EVC2: variants seen among roughly 807,000 people sequenced by gnomAD.
EVC2 encodes EvC ciliary complex subunit 2, also known as limbin.
Under a neutral mutation model 149.3 loss-of-function variants are expected in EVC2, and 148 were observed. The observed-to-expected ratio is 0.99, with a 90% CI of 0.87 to 1.14. The LOEUF (loss-of-function observed/expected upper bound fraction) is 1.14, where lower values mean the gene tolerates loss of function less well. Among genes scored for constraint, EVC2 ranks in the 50% most tolerant of loss-of-function variants. EVC2 has a pLI of 0.00. For missense variants in EVC2, 1,854 were observed against 1,627.3 expected, an observed-to-expected ratio of 1.14 and a Z score of -2.40; for synonymous variants, 776 against 649.9, an observed-to-expected ratio of 1.19 and a Z score of -2.95.
intron 10 of EVC2, among the ~76,000 whole-genome samples, chr4:5,638,714 T>G (rs1451609005): frequency 3.3e-5 from 5 of 152,144 alleles, no homozygotes; most frequent in African/African-American, 1.2e-4. Flanking sequence ...CCTGGATTAT[T>G]TAGGTGGGAC....
At chr4:5,558,848 A>AT (rs1721888269), downstream of EVC2, among the ~76,000 whole-genome samples, 1 of 152,222 alleles carries the variant, frequency 6.6e-6, no homozygotes, top group Non-Finnish European at 1.5e-5. Flanking sequence ...AACTGACCAC[A>AT]TAAGTAAATG....
intron 2 of EVC2, among the ~76,000 whole-genome samples, chr4:5,697,250 G>A (rs1467768622): frequency 6.6e-6 from 1 of 152,208 alleles, no homozygotes; most frequent in Non-Finnish European, 1.5e-5. Context: ...GAGAATAAAC[G>A]TGTGTGGTCG....
At chr4:5,706,733 C>A in intron 1 of EVC2, among the ~76,000 whole-genome samples, 1 of 152,102 alleles carries the variant, frequency 6.6e-6, no homozygotes. Context: ...CTATGCAAGA[C>A]AGGCCCAGAG....
At chr4:5,645,044 T>C (rs536197009) in intron 9 of EVC2, among the ~76,000 whole-genome samples, 1 of 152,274 alleles carries the variant, frequency 6.6e-6, no homozygotes, top group South Asian at 2.1e-4. Flanking sequence ...ATATACCCAG[T>C]AGTGGAATGG....
At chr4:5,656,102 T>C (rs1280362716) in intron 9 of EVC2, among the ~76,000 whole-genome samples, 1 of 152,172 alleles carries the variant, frequency 6.6e-6, no homozygotes, top group African/African-American at 2.4e-5. Context: ...TCCTCTTGCA[T>C]GACCTAAGAA....
rs1716993348 is a variant in EVC2 at position 5,637,838 on chromosome 4, T to A, written c.1470+2676A>T. ...TTTTTTTTTCAGGGCTTTTTCTTTT[T>A]CAGCTTTGGTTCTGAAATCAGACAG... is the stretch of plus-strand genomic sequence containing the variant. On this transcript the variant is annotated intron_variant, in intron 10 of 21. Coordinates refer to ENST00000344408, the MANE Select transcript of EVC2 (RefSeq NM_147127.5). The surrounding 1 kb of genome is among the most constrained non-coding windows in gnomAD (Gnocchi z 4.4). Among the ~76,000 whole-genome samples the A allele has an allele frequency of 6.6e-6, 1 of 152,026 alleles. No homozygotes were observed.
intron 21 of EVC2, among the ~76,000 whole-genome samples, chr4:5,545,468 T>C (rs1721597127): frequency 6.6e-6 from 1 of 152,170 alleles, no homozygotes; most frequent in African/African-American, 2.4e-5. Flanking sequence ...TAACAGGTAA[T>C]GTTTGCTTCT....
At chr4:5,706,252 C>A (rs529086039) in intron 1 of EVC2, among the ~76,000 whole-genome samples, 1 of 151,056 alleles carries the variant, frequency 6.6e-6, no homozygotes, top group African/African-American at 2.4e-5. Context: ...GGTCTCCCAG[C>A]CCCCTGCACA....
At chr4:5,561,806 A>G (rs2108764046), downstream of EVC2, among the ~76,000 whole-genome samples, 1 of 152,338 alleles carries the variant, frequency 6.6e-6, no homozygotes, top group South Asian at 2.1e-4. Flanking sequence ...ATTAAAAAGT[A>G]GGTTAAAGTT....
chr4:5,656,929 C>G (rs986532914), intron 9 of EVC2, among the ~76,000 whole-genome samples: 3 of 152,208 alleles, frequency 2.0e-5, no homozygotes, highest in Admixed American at 6.5e-5. Flanking sequence ...GTTCCGGTAC[C>G]AGGATGAGGT....
intron 16 of EVC2, among the ~76,000 whole-genome samples, chr4:5,604,411 A>G (rs1237338203): frequency 1.3e-5 from 2 of 152,214 alleles, no homozygotes; most frequent in African/African-American, 4.8e-5. Context: ...TTTGCTTTCA[A>G]TTAAAGTTAC....
chr4:5,593,632 G>C (rs1316529852), intron 16 of EVC2, among the ~76,000 whole-genome samples: 1 of 152,216 alleles, frequency 6.6e-6, no homozygotes, highest in Non-Finnish European at 1.5e-5. Context: ...ACAGCTCCCA[G>C]CGTGAGCGAC....
intron 1 of EVC2, among the ~76,000 whole-genome samples, chr4:5,702,861 T>C (rs976126618): frequency 6.6e-6 from 1 of 152,216 alleles, no homozygotes; most frequent in African/African-American, 2.4e-5. Flanking sequence ...CTCAGTTTCC[T>C]CATCTGTAAA....
intron 5 of EVC2, among the ~76,000 whole-genome samples, chr4:5,687,371 AC>A (rs1720794181): frequency 6.6e-6 from 1 of 152,106 alleles, no homozygotes; most frequent in African/African-American, 2.4e-5. Flanking sequence ...TAACTCCCTT[AC>A]CCTCACAGCG....
chr4:5,566,870 C>A (rs912472619), intron 20 of EVC2, among the ~76,000 whole-genome samples: 8 of 152,188 alleles, frequency 5.3e-5, no homozygotes, highest in African/African-American at 1.9e-4. Flanking sequence ...CGTTCCTACT[C>A]CAGAGTCACC....
the EVC2 span, among the ~76,000 whole-genome samples, chr4:5,536,502 T>A: frequency 6.6e-6 from 1 of 152,106 alleles, no homozygotes; most frequent in African/African-American, 2.4e-5. Context: ...TAAAGAGTTA[T>A]GGCTGGGCGC....
chr4:5,627,819 G>A (rs957427039), intron 12 of EVC2, among the ~76,000 whole-genome samples: 1 of 152,100 alleles, frequency 6.6e-6, no homozygotes, highest in Non-Finnish European at 1.5e-5. Context: ...AGGTGAATGC[G>A]AGAGCCGGCA....
chr4:5,664,934 C>CGTGTGGGTGATGGGGTGT (rs1577225692), intron 8 of EVC2, among the ~76,000 whole-genome samples: 1 of 149,674 alleles, frequency 6.7e-6, no homozygotes, highest in Admixed American at 6.6e-5. Context: ...TGACGGGCTG[C>CGTGTGGGTGATGGGGTGT]GTGTGGGTGA....
In EVC2 at chr4:5,628,549, T is replaced by G. The variant is rs2108846937; in HGVS notation, c.1886+10A>C. On this transcript the variant is annotated intron_variant, in intron 12 of 21. Coordinates refer to ENST00000344408, the MANE Select transcript of EVC2 (RefSeq NM_147127.5). ...ACAGTTCGCACTGTTGGGACAGTGT[T>G]GAGTGGTACCTCTCGTGCTTCTGAA... The G allele has an allele frequency of 6.2e-7, 1 of 1,614,134 alleles. No homozygotes were observed. Among genetic ancestry groups the G allele is most frequent in the Non-Finnish European group, 8.5e-7 (1 of 1,180,040 alleles).
Sources: gnomAD v4.1 joint callset for allele counts (sites outside exome capture counted in the v4.1 genomes callset) on GRCh38, gnomAD v4.1.1 for gene constraint, Gnocchi (gnomAD v3.1) non-coding constraint, MANE v1.5 for transcripts, NCBI Gene and HGNC (gene_info 2026-07-23, HGNC 2026-07-21) for gene names.